TYW1: variants seen among roughly 807,000 people sequenced by gnomAD.
TYW1 encodes S-adenosyl-L-methionine-dependent tRNA 4-demethylwyosine synthase TYW1.
Under a neutral mutation model 96.2 loss-of-function variants are expected in TYW1, and 46 were observed. The ratio of observed to expected loss-of-function variants is 0.48; its 90% CI spans 0.38 to 0.61. The LOEUF (loss-of-function observed/expected upper bound fraction) is 0.61, where lower values mean the gene tolerates loss of function less well. Ranked by LOEUF, TYW1 falls within the 20% of genes least tolerant of loss-of-function variation. TYW1 has a pLI of 0.00. For missense variants in TYW1, 684 were observed against 909.6 expected, an observed-to-expected ratio of 0.75 and a Z score of 3.19; for synonymous variants, 274 against 323.0, an observed-to-expected ratio of 0.85 and a Z score of 1.63.
chr7:67,102,131 C>A (rs1185271787), intron 12 of TYW1, among the ~76,000 whole-genome samples: 1 of 152,130 alleles, frequency 6.6e-6, no homozygotes, highest in Non-Finnish European at 1.5e-5. Flanking sequence ...AGAATGGAAT[C>A]TGTTAGTAGT....
intron 13 of TYW1, among the ~76,000 whole-genome samples, chr7:67,180,632 C>CATTTATTTATTTATTTATTTATTTATTT (rs375057980): frequency 5.4e-5 from 8 of 147,584 alleles, no homozygotes; most frequent in African/African-American, 2.0e-4. Flanking sequence ...AATAGAAATG[C>CATTTATTTATTTATTTATTTATTTATTT]ATTTATTTAT....
At chr7:67,050,274 T>C (rs536995915) in intron 8 of TYW1, among the ~76,000 whole-genome samples, 58 of 152,280 alleles carry the variant, frequency 3.8e-4, no homozygotes, top group Admixed American at 3.8e-3. Context: ...TATTGGGATA[T>C]TACTATCAGT....
intron 5 of TYW1, 54 bp downstream of exon 5, chr7:67,014,615 G>A (rs532613958): frequency 1.1e-4 from 174 of 1,550,340 alleles, no homozygotes; most frequent in Middle Eastern, 6.9e-4. Context: ...ACACACACAC[G>A]CACACACACG....
At chr7:67,033,814 C>A (rs1437645649) in intron 7 of TYW1, among the ~76,000 whole-genome samples, 4 of 151,828 alleles carry the variant, frequency 2.6e-5, no homozygotes, top group African/African-American at 9.7e-5. Context: ...TCTGCCTCAG[C>A]CTCCCGAGTA....
intron 12 of TYW1, among the ~76,000 whole-genome samples, chr7:67,099,682 G>A (rs574922700): frequency 1.3e-5 from 2 of 152,268 alleles, no homozygotes; most frequent in South Asian, 4.1e-4. Flanking sequence ...GTGGAAGCAA[G>A]TCAGTGTGAA....
intron 13 of TYW1, among the ~76,000 whole-genome samples, chr7:67,163,090 C>T (rs1799210598): frequency 6.6e-6 from 1 of 152,116 alleles, no homozygotes; most frequent in Non-Finnish European, 1.5e-5. Context: ...CATACAATTC[C>T]CATGTTGTAA....
chr7:67,165,180 G>T (rs952069427), intron 13 of TYW1, among the ~76,000 whole-genome samples: 14 of 152,108 alleles, frequency 9.2e-5, no homozygotes, highest in African/African-American at 3.4e-4. Context: ...CCTCATTACT[G>T]CTTCAATTTG....
intron 6 of TYW1, among the ~76,000 whole-genome samples, chr7:67,019,352 C>T (rs552698746): frequency 2.3e-4 from 18 of 78,158 alleles, no homozygotes; most frequent in South Asian, 3.8e-4. Context: ...CGTACCACTA[C>T]GCCCAGCTAA....
intron 15 of TYW1, among the ~76,000 whole-genome samples, chr7:67,203,360 T>C (rs1800665535): frequency 6.6e-6 from 1 of 152,250 alleles, no homozygotes; most frequent in South Asian, 2.1e-4. Flanking sequence ...CATACAGTTG[T>C]CATACTTTTT....
intron 13 of TYW1, among the ~76,000 whole-genome samples, chr7:67,157,903 A>G (rs1466100160): frequency 2.6e-5 from 4 of 152,122 alleles, no homozygotes; most frequent in Admixed American, 6.6e-5. Context: ...TAAAATTTGT[A>G]TATATTAAGG....
At chr7:67,236,828 C>CTT (rs112849431) in intron 15 of TYW1, among the ~76,000 whole-genome samples, 31 of 151,802 alleles carry the variant, frequency 2.0e-4, no homozygotes, top group African/African-American at 4.8e-4. Flanking sequence ...TATTTTCTTT[C>CTT]TTTTTTTTGT....
intron 12 of TYW1, among the ~76,000 whole-genome samples, chr7:67,100,295 C>A (rs139229053): frequency 6.6e-6 from 1 of 152,044 alleles, no homozygotes; most frequent in Non-Finnish European, 1.5e-5. Flanking sequence ...TTGTGTCATA[C>A]TGGGACTAGG....
At chr7:67,235,722 T>C (rs2116455588) in intron 15 of TYW1, among the ~76,000 whole-genome samples, 1 of 151,750 alleles carries the variant, frequency 6.6e-6, no homozygotes, top group South Asian at 2.1e-4. Flanking sequence ...AAACACTGTG[T>C]CTACTGAAAA....
intron 8 of TYW1, among the ~76,000 whole-genome samples, chr7:67,051,982 T>C (rs1795375604): frequency 6.6e-6 from 1 of 152,206 alleles, no homozygotes; most frequent in African/African-American, 2.4e-5. Context: ...GTCCTCTTAC[T>C]CACATTGCTT....
chr7:67,061,719 A>C (rs1249670100), intron 9 of TYW1, among the ~76,000 whole-genome samples: 1 of 152,256 alleles, frequency 6.6e-6, no homozygotes, highest in Non-Finnish European at 1.5e-5. Context: ...ATATAAATAA[A>C]AATAAGAATA....
chr7:67,196,725 A>G (rs1030581696), intron 15 of TYW1, among the ~76,000 whole-genome samples: 3 of 151,976 alleles, frequency 2.0e-5, no homozygotes, highest in Admixed American at 6.5e-5. Flanking sequence ...TCAAAGGAAC[A>G]TTTAAAACAG....
intron 13 of TYW1, among the ~76,000 whole-genome samples, chr7:67,170,589 A>C (rs1763873126): frequency 6.6e-6 from 1 of 152,180 alleles, no homozygotes; most frequent in Admixed American, 6.5e-5. Context: ...TTGTGTAATT[A>C]TCACCTTTAT....
chr7:67,236,286 A>G (rs926973384), intron 15 of TYW1, among the ~76,000 whole-genome samples: 67 of 152,228 alleles, frequency 4.4e-4, no homozygotes, highest in African/African-American at 1.4e-3. Context: ...ATAGGAATCA[A>G]TTCTGCTGTC....
At chr7:67,232,316 T>A (rs185056878) in intron 15 of TYW1, among the ~76,000 whole-genome samples, 125 of 149,876 alleles carry the variant, frequency 8.3e-4, no homozygotes, top group African/African-American at 3.0e-3. Context: ...GTTATATGCT[T>A]GTATTTGAGA....
Sources: allele counts gnomAD v4.1 joint callset (sites outside exome capture counted in the v4.1 genomes callset), GRCh38; gene constraint gnomAD v4.1.1; transcripts MANE v1.5; gene names NCBI Gene and HGNC (gene_info 2026-07-23, HGNC 2026-07-21).